The following HELZ variants were observed in gnomAD, a reference collection of about 807,000 sequenced individuals.
The protein encoded by HELZ is helicase with zinc finger.
A neutral mutation model predicts 218.2 loss-of-function variants in HELZ; 23 were observed. That is an observed-to-expected ratio of 0.11 (90% CI 0.08 to 0.15). HELZ has a LOEUF of 0.15. Among genes scored for constraint, HELZ ranks in the 10% least tolerant of loss-of-function variants. The pLI, the probability that HELZ is intolerant of heterozygous loss-of-function variation, is 1.00. For missense variants in HELZ, 1,813 were observed against 2,353.7 expected (o/e 0.77, Z 4.75); for synonymous variants, 814 against 829.4 (o/e 0.98, Z 0.32).
In HELZ at chr17:67,176,028, C is replaced by T. The variant is rs146134261; in HGVS notation, c.1430+2631G>A. On this transcript the variant is annotated intron_variant, in intron 13 of 32. Coordinates refer to ENST00000358691, the MANE Select transcript of HELZ (RefSeq NM_014877.4). ...CTTTTCATACCTAAGGGCTTTTTTA[C>T]ACCATGAGCAGCAAGTGTTGCCACT... Among the ~76,000 whole-genome samples, 243 of 152,296 alleles carry T rather than the reference C, an allele frequency of 1.6e-3. 1 individual carries two copies. The highest frequency in any genetic ancestry group is 5.6e-3 in the African/African-American group (234 of 41,566).
intron 17 of HELZ, among the ~76,000 whole-genome samples, chr17:67,159,533 C>T (rs1007170831): frequency 6.6e-6 from 1 of 152,076 alleles, no homozygotes; most frequent in Non-Finnish European, 1.5e-5. Context: ...TAGGGCATGA[C>T]ATATTAGTTT....
intron 12 of HELZ, among the ~76,000 whole-genome samples, chr17:67,182,763 A>G (rs892333983): frequency 3.3e-5 from 5 of 152,212 alleles, no homozygotes; most frequent in African/African-American, 7.2e-5. Context: ...CACAAGATAC[A>G]TTTCCCAACT....
intron 12 of HELZ, among the ~76,000 whole-genome samples, chr17:67,183,986 T>C (rs2039681965): frequency 6.6e-6 from 1 of 151,814 alleles, no homozygotes; most frequent in Non-Finnish European, 1.5e-5. Context: ...CTGGATGCTT[T>C]AGGTACAGTG....
At chr17:67,214,374 G>T (rs1222666980) in intron 5 of HELZ, among the ~76,000 whole-genome samples, 1 of 130,268 alleles carries the variant, frequency 7.7e-6, no homozygotes, top group Non-Finnish European at 1.5e-5. Context: ...CAAATGATTT[G>T]CCTGCCTCAG....
chr17:67,160,975 A>G lies in HELZ; in HGVS notation c.1997T>C (p.Ile666Thr), dbSNP rs2038978812. Reference protein sequence around the residue: ...PLAIQLPPVLIIGPYGTGKTF... With the variant: ...PLAIQLPPVLTIGPYGTGKTF... ...TTTGCCTGTCCCATAGGGTCCGATG[A>G]TAAGCACAGGCGGCAGCTGGATTGC... Residue 666 changes from isoleucine to threonine, a missense_variant, in exon 16 of 33, where the codon ATC (isoleucine) becomes ACC (threonine). Coordinates refer to ENST00000358691, the MANE Select transcript of HELZ (RefSeq NM_014877.4). The G allele has an allele frequency of 6.2e-7, 1 of 1,613,814 alleles. No homozygotes were observed. The highest frequency in any genetic ancestry group is 1.1e-5 in the South Asian group (1 of 91,018).
chr17:67,121,249 T>TA (rs1369783184), intron 26 of HELZ, among the ~76,000 whole-genome samples: 3 of 152,224 alleles, frequency 2.0e-5, no homozygotes, highest in African/African-American at 7.2e-5. Context: ...ATAAATACAA[T>TA]GACATCTGAG....
At chr17:67,227,327 G>A (rs2040921111) in intron 3 of HELZ, among the ~76,000 whole-genome samples, 1 of 151,766 alleles carries the variant, frequency 6.6e-6, no homozygotes. Context: ...CCAGTAGCTG[G>A]GACTACAGGC....
chr17:67,243,206 C>T (rs1272697493), intron 2 of HELZ, among the ~76,000 whole-genome samples: 1 of 152,190 alleles, frequency 6.6e-6, no homozygotes, highest in East Asian at 1.9e-4. Flanking sequence ...TAATGACAAA[C>T]TAGTCTATTT....
intron 20 of HELZ, 140 bp from the exon 21 acceptor site, chr17:67,146,030 T>G: frequency 1.4e-6 from 1 of 713,124 alleles, no homozygotes; most frequent in Non-Finnish European, 2.3e-6. Context: ...CTAATACTTG[T>G]GATACCAAGA....
At chr17:67,160,189 A>T (rs1489902365) in intron 17 of HELZ, 72 bp downstream of exon 17, 13 of 913,132 alleles carry the variant, frequency 1.4e-5, no homozygotes, top group East Asian at 2.5e-5. Context: ...AGTTACTAAA[A>T]TCTTTACAGA....
chr17:67,195,626 C>T (rs1193613143), intron 7 of HELZ, among the ~76,000 whole-genome samples, 156 bp from the exon 8 acceptor site: 1 of 151,818 alleles, frequency 6.6e-6, no homozygotes, highest in African/African-American at 2.4e-5. Flanking sequence ...TTTTTTTCTA[C>T]GTTAAACTAT....
At chr17:67,238,180 C>A (rs1243581035) in intron 3 of HELZ, among the ~76,000 whole-genome samples, 6 of 149,738 alleles carry the variant, frequency 4.0e-5, no homozygotes, top group South Asian at 4.2e-4. Context: ...CCCGTCTTTA[C>A]TAAAAATACA....
At chr17:67,084,588 G>C (rs1019833219) in intron 32 of HELZ, among the ~76,000 whole-genome samples, 2 of 151,314 alleles carry the variant, frequency 1.3e-5, no homozygotes, top group African/African-American at 4.9e-5. Flanking sequence ...ACGTGAACCC[G>C]GGAGGCGGAG....
At position 67,104,936 on chromosome 17, in the gene HELZ, T is replaced by C. The variant is rs187396935; in HGVS notation, c.5241+2233A>G. ...GAGTTTGAGACCAGCCTGGCCAATA[T>C]CGTGAAACCCCGTCTCTACTAAAAA... On this transcript the variant is annotated intron_variant, in intron 31 of 32. Coordinates refer to ENST00000358691, the MANE Select transcript of HELZ (RefSeq NM_014877.4). Among the ~76,000 whole-genome samples, 182 of 152,154 alleles carry C rather than the reference T, an allele frequency of 1.2e-3. 2 individuals are homozygous for C. The highest frequency in any genetic ancestry group is 3.5e-3 in the East Asian group (18 of 5,162).
At chr17:67,160,120 A>T (rs2038955273) in intron 17 of HELZ, 141 bp downstream of exon 17, 2 of 592,046 alleles carry the variant, frequency 3.4e-6, no homozygotes, top group African/African-American at 1.9e-5. Context: ...TAATTTAAAC[A>T]GTTTCTTCAA....
intron 17 of HELZ, 53 bp from the exon 18 acceptor site, chr17:67,151,277 T>C: frequency 7.2e-7 from 1 of 1,388,676 alleles, no homozygotes; most frequent in South Asian, 1.3e-5. Context: ...CTTAACAGTA[T>C]CTAGTTATTA....
rs542444078 is a variant in HELZ, at chr17:67,079,617, A to G, written c.5495-1031T>C. Among the ~76,000 whole-genome samples, 7 of 152,334 alleles carry G rather than the reference A, an allele frequency of 4.6e-5. No homozygotes were observed. The East Asian group carries it at 1.4e-3, about 29-fold the overall frequency. ...AATCCCTAGGTGTACAAAGCTTCTGACAACTGTGGCCAAACCACTCTGCAG... is the reference window on the plus strand; with the variant it reads ...AATCCCTAGGTGTACAAAGCTTCTGGCAACTGTGGCCAAACCACTCTGCAG... On this transcript the variant is annotated intron_variant, in intron 32 of 32. Coordinates refer to ENST00000358691, the MANE Select transcript of HELZ (RefSeq NM_014877.4).
At position 67,149,810 on chromosome 17, in the gene HELZ, A is replaced by C. The variant is rs1178721826; in HGVS notation, c.2475+57T>G. ...TAGGATGTTTTAGAAATAGAATATT[A>C]AACATCAAAATATAATTAAAAGTTA... is the stretch of plus-strand genomic sequence containing the variant. On this transcript the variant is annotated intron_variant, in intron 19 of 32. Transcript: ENST00000358691. The C allele has an allele frequency of 1.6e-5, 15 of 966,228 alleles. No individual in the cohort carries two copies. In the East Asian group the frequency reaches 3.8e-4, roughly 24 times the overall value. 59.9% of individuals were successfully genotyped at this position (966,228 alleles called of 1,614,324 possible).
intron 24 of HELZ, among the ~76,000 whole-genome samples, chr17:67,127,416 T>G (rs1007175585): frequency 2.0e-5 from 3 of 152,224 alleles, no homozygotes; most frequent in Non-Finnish European, 4.4e-5. Context: ...ACAAGTATTA[T>G]TGCACATTAG....
Sources: gnomAD v4.1 joint callset for allele counts (sites outside exome capture counted in the v4.1 genomes callset) on GRCh38, gnomAD v4.1.1 for gene constraint, MANE v1.5 for transcripts, NCBI Gene and HGNC (gene_info 2026-07-23, HGNC 2026-07-21) for gene names.